The following UBR4 variants were observed in gnomAD, a reference collection of about 807,000 sequenced individuals.
UBR4 encodes the protein E3 ubiquitin-protein ligase UBR4.
Under a neutral mutation model 575.6 loss-of-function variants are expected in UBR4, and 124 were observed. That is an observed-to-expected ratio of 0.22 (90% CI 0.19 to 0.25). The LOEUF (loss-of-function observed/expected upper bound fraction) is 0.25, where lower values mean the gene tolerates loss of function less well. Among genes scored for constraint, UBR4 ranks in the 10% least tolerant of loss-of-function variants. The probability of loss-of-function intolerance (pLI) is 1.00; values close to 1 mark genes in which losing one functional copy is unlikely to be tolerated. For missense variants in UBR4, 4,818 were observed against 6,478.8 expected, an observed-to-expected ratio of 0.74 and a Z score of 8.80; for synonymous variants, 2,455 against 2,473.7, an observed-to-expected ratio of 0.99 and a Z score of 0.22.
At position 19,114,866 on chromosome 1, in the gene UBR4, T is replaced by G; in HGVS notation, c.11147A>C (p.Tyr3716Ser). 6.2e-7 allele frequency: 1 copy of G among 1,614,164 alleles called. No homozygotes were observed. The highest frequency in any genetic ancestry group is 8.5e-7 in the Non-Finnish European group (1 of 1,180,036). Reference protein sequence around the residue: ...CKYARFDFMLYAKPCCAVDPI... With the variant: ...CKYARFDFMLSAKPCCAVDPI... The stretch of plus-strand genomic sequence containing the variant: ...ATCCACTGCACAGCAAGGCTTGGCA[T>G]AGAGCATGAAGTCGAAGCGGGCATA... Residue 3716 changes from tyrosine to serine, a missense_variant, in exon 75 of 106, where the codon TAT (tyrosine) becomes TCT (serine). Coordinates refer to ENST00000375254, the MANE Select transcript of UBR4 (RefSeq NM_020765.3).
chr1:19,153,295 C>A lies in UBR4; in HGVS notation c.6832+6G>T. 1 of 1,614,096 alleles carries A rather than the reference C, an allele frequency of 6.2e-7. No individual in the cohort carries two copies. Among genetic ancestry groups the A allele is most frequent in the Non-Finnish European group, 8.5e-7 (1 of 1,179,996 alleles). The stretch of plus-strand genomic sequence containing the variant: ...CCCCCACAAGTCATCTGAGAAGGAG[C>A]CTTACTGATTGTAGCTGTTTTGCGC... On this transcript the variant is annotated splice_donor_region_variant and intron_variant, in intron 46 of 105. Coordinates refer to ENST00000375254, the MANE Select transcript of UBR4 (RefSeq NM_020765.3). This position sits in a 1 kb window ranked among gnomAD's most constrained non-coding sequence, Gnocchi z 4.1.
chr1:19,154,074 C>A (rs1209402314), intron 44 of UBR4, 135 bp from the exon 45 acceptor site: 2 of 997,640 alleles, frequency 2.0e-6, no homozygotes, highest in East Asian at 5.2e-5. Flanking sequence ...AGATTATCCA[C>A]AGGTTAGTTT....
At position 19,106,159 on chromosome 1, in the gene UBR4, T is replaced by C. The variant is rs202237594; in HGVS notation, c.12394-317A>G. ...GATCATTCTTTTTTGGGGACACTTA[T>C]ATGCTGAATACTTTCATTTAAATGT... On this transcript the variant is annotated intron_variant, in intron 83 of 105. Coordinates refer to ENST00000375254, the MANE Select transcript of UBR4 (RefSeq NM_020765.3). Among the ~76,000 whole-genome samples, 6 of 152,356 alleles carry C rather than the reference T, an allele frequency of 3.9e-5. No homozygotes were observed. In the East Asian group the frequency reaches 7.7e-4, roughly 20 times the overall value.
At chr1:19,120,480 C>A in intron 68 of UBR4, 132 bp from the exon 69 acceptor site, 1 of 1,164,582 alleles carries the variant, frequency 8.6e-7, no homozygotes, top group Non-Finnish European at 1.2e-6. Context: ...TGCTGATATT[C>A]TGCAAAACAA....
intron 89 of UBR4, 134 bp from the exon 90 acceptor site, chr1:19,099,811 C>T (rs887553344): frequency 2.8e-6 from 2 of 708,250 alleles, no homozygotes; most frequent in South Asian, 2.1e-5. Context: ...AACTCTCCCA[C>T]TCTTAAAAAA....
chr1:19,155,435 T>C lies in UBR4; in HGVS notation c.6300+6A>G. The C allele has an allele frequency of 6.2e-7, 1 of 1,613,272 alleles. No individual in the cohort carries two copies. Among genetic ancestry groups the C allele is most frequent in the Non-Finnish European group, 8.5e-7 (1 of 1,179,522 alleles). ...AATAGAAGGAAATAGCAACATGTGC[T>C]CTAACCTTCAGGTCCTCATGATTGA... On this transcript the variant is annotated splice_donor_region_variant and intron_variant, in intron 43 of 105. Coordinates refer to ENST00000375254, the MANE Select transcript of UBR4 (RefSeq NM_020765.3).
intron 2 of UBR4, among the ~76,000 whole-genome samples, chr1:19,201,505 C>T (rs759956445): frequency 4.6e-5 from 7 of 152,170 alleles, no homozygotes; most frequent in Non-Finnish European, 7.4e-5. Context: ...GGTGTCCAAG[C>T]CAAGTAGTTT....
chr1:19,164,499 T>C, intron 32 of UBR4, 58 bp from the exon 33 acceptor site: 1 of 1,539,014 alleles, frequency 6.5e-7, no homozygotes, highest in South Asian at 1.2e-5. Flanking sequence ...ATTCTGTGTG[T>C]TATAAAGGAA....
At chr1:19,140,941 C>G in intron 57 of UBR4, 49 bp from the exon 58 acceptor site, 1 of 1,546,542 alleles carries the variant, frequency 6.5e-7, no homozygotes, top group Non-Finnish European at 8.7e-7. Flanking sequence ...AGGTCCCATC[C>G]ACAGCGCTGC....
Position 19,176,674 on chromosome 1 carries a change from G to A in UBR4, c.2691C>T (p.Asp897=). 1.2e-6 allele frequency: 2 copies of A among 1,614,084 alleles called. No individual in the cohort carries two copies. ...GAGTGGTTGCCCGGCGGCTGTTGCT[G>A]TCCTGGGATCCACTTGCCCACCCAA... is the stretch of plus-strand genomic sequence containing the variant. ...PPFGWASGSQ[D]SNSRRATTPL... Residue 897 remains aspartate, a synonymous_variant, in exon 20 of 106, where the codon GAC becomes GAT. Coordinates refer to ENST00000375254, the MANE Select transcript of UBR4 (RefSeq NM_020765.3).
intron 78 of UBR4, among the ~76,000 whole-genome samples, chr1:19,111,258 A>G (rs968722659): frequency 2.0e-5 from 3 of 152,112 alleles, no homozygotes; most frequent in Non-Finnish European, 4.4e-5. Flanking sequence ...CAATGTTCCC[A>G]CTATTAATAA....
chr1:19,083,898 C>CT (rs1302958171), intron 102 of UBR4, among the ~76,000 whole-genome samples: 4 of 152,146 alleles, frequency 2.6e-5, no homozygotes, highest in Admixed American at 1.3e-4. Context: ...CTACCAATCT[C>CT]TTTTTTTTCC....
chr1:19,127,382 TG>T (rs1213081325), intron 63 of UBR4, among the ~76,000 whole-genome samples: 2 of 152,220 alleles, frequency 1.3e-5, no homozygotes, highest in Non-Finnish European at 1.5e-5. Context: ...TCTTCAATAA[TG>T]GAACTTCCAA....
At chr1:19,118,043 A>T in intron 71 of UBR4, 133 bp from the exon 72 acceptor site, 1 of 746,046 alleles carries the variant, frequency 1.3e-6, no homozygotes, top group East Asian at 2.7e-5. Flanking sequence ...CCCTAGTGAG[A>T]ACTCAAGGAC....
Position 19,128,986 on chromosome 1 carries a change from A to T in UBR4, c.8995T>A (p.Tyr2999Asn). The change falls in exon 61 of 106, where the codon TAC becomes AAC. Residue 2999 changes from tyrosine (Y) to asparagine (N), a missense_variant. Tyr to Asn is a moderately radical substitution (Grantham distance 143, BLOSUM62 -2). Around this residue, in one of 29 missense-constraint regions of UBR4, gnomAD observed 87 missense variants for 82.8 expected, o/e 1.05. Transcript: ENST00000375254. ...RNVGGVRAIP[Y>N]MQVILMLTTD... ...GGTGAGCTAAGAGATACCTGCATGTATGGGATGGCCCGGACACCGCCAACG... is the reference window on the plus strand; with the variant it reads ...GGTGAGCTAAGAGATACCTGCATGTTTGGGATGGCCCGGACACCGCCAACG... The T allele has an allele frequency of 6.2e-7, 1 of 1,614,052 alleles. No individual in the cohort carries two copies. The highest frequency in any genetic ancestry group is 8.5e-7 in the Non-Finnish European group (1 of 1,179,922).
intron 19 of UBR4, 149 bp downstream of exon 19, chr1:19,177,312 T>G (rs2151039555): frequency 1.1e-6 from 1 of 924,602 alleles, no homozygotes; most frequent in East Asian, 2.4e-5. Flanking sequence ...AAGTACAAAG[T>G]CTCAGTGGTC....
intron 103 of UBR4, chr1:19,080,662 T>C (rs1205983591): frequency 6.6e-6 from 1 of 152,202 alleles, no homozygotes; most frequent in Admixed American, 6.5e-5. Flanking sequence ...AGGTAGAGAC[T>C]GTGTGGGGCC....
intron 47 of UBR4, 97 bp from the exon 48 acceptor site, chr1:19,151,956 C>T: frequency 8.7e-7 from 1 of 1,148,606 alleles, no homozygotes; most frequent in Non-Finnish European, 1.2e-6. Flanking sequence ...ATGTGAAGCT[C>T]ATTAAAACTT....
chr1:19,146,743 G>A (rs1266870012), intron 52 of UBR4, 83 bp downstream of exon 52: 1 of 1,508,522 alleles, frequency 6.6e-7, no homozygotes, highest in Non-Finnish European at 8.9e-7. Flanking sequence ...GTCAGTCAGA[G>A]GCCAGTAAGA....
Sources: gnomAD v4.1 joint callset for allele counts (sites outside exome capture counted in the v4.1 genomes callset) on GRCh38, gnomAD v4.1.1 for gene constraint, gnomAD v4.1.1 regional missense constraint, Gnocchi (gnomAD v3.1) non-coding constraint, MANE v1.5 for transcripts, NCBI Gene and HGNC (gene_info 2026-07-23, HGNC 2026-07-21) for gene names.